The following ZPLD1 variants were observed in gnomAD, a reference collection of about 807,000 sequenced individuals.
The protein encoded by ZPLD1 is zona pellucida-like domain-containing protein 1.
A neutral mutation model predicts 47.2 loss-of-function variants in ZPLD1; 34 were observed. The ratio of observed to expected loss-of-function variants is 0.72; its 90% CI spans 0.55 to 0.96. The LOEUF is 0.96. Among genes scored for constraint, ZPLD1 ranks in the 40% least tolerant of loss-of-function variants. The pLI, the probability that ZPLD1 is intolerant of heterozygous loss-of-function variation, is 0.00. For synonymous variants in ZPLD1, 176 were observed against 186.2 expected (o/e 0.95, Z 0.45); for missense variants, 512 against 505.8 (o/e 1.01, Z -0.12).
At chr3:102,403,817 A>G (rs1266420505) in intron 7 of ZPLD1, among the ~76,000 whole-genome samples, 1 of 151,868 alleles carries the variant, frequency 6.6e-6, no homozygotes, top group African/African-American at 2.4e-5. Flanking sequence ...AGAAGGTTCT[A>G]CTCTACTTAG....
chr3:102,457,784 C>T lies in ZPLD1; in HGVS notation c.513C>T (p.Ser171=), dbSNP rs1373627712. 2 of 1,613,878 alleles carry T rather than the reference C, an allele frequency of 1.2e-6. No homozygotes were observed. The highest frequency in any genetic ancestry group is 1.1e-5 in the South Asian group (1 of 91,072). ...CCTTTTTCTAAATGTGTTTTAGGTC[C>T]TCAGCGGCTATTTCTGTGAGAGAGA... The part of the protein sequence containing the change: ...YLVNNTQLAS[S]SAAISVRENN... Residue 171 remains serine (S), a synonymous_variant, in exon 6 of 12, where the codon TCC becomes TCT. Transcript: ENST00000466937.
At chr3:102,468,549 C>T (rs776640493) in intron 8 of ZPLD1, among the ~76,000 whole-genome samples, 1 of 152,082 alleles carries the variant, frequency 6.6e-6, no homozygotes. Flanking sequence ...AGACAATATG[C>T]TATCATTTGT....
chr3:102,449,043 C>T (rs1162378885), intron 3 of ZPLD1, among the ~76,000 whole-genome samples: 5 of 152,220 alleles, frequency 3.3e-5, no homozygotes, highest in Non-Finnish European at 7.3e-5. Flanking sequence ...GCAATCTCAC[C>T]TGTGCCTAAC....
At chr3:102,474,341 G>A (rs1707726901) in intron 10 of ZPLD1, among the ~76,000 whole-genome samples, 1 of 152,118 alleles carries the variant, frequency 6.6e-6, no homozygotes, top group Non-Finnish European at 1.5e-5. Flanking sequence ...CCGTATTCTT[G>A]TTCGATTAGA....
At chr3:102,414,707 C>T (rs979009193) in intron 7 of ZPLD1, among the ~76,000 whole-genome samples, 14 of 151,602 alleles carry the variant, frequency 9.2e-5, no homozygotes, top group African/African-American at 3.4e-4. Context: ...ATTAATTCTT[C>T]ATTGAAACCA....
intron 4 of ZPLD1, among the ~76,000 whole-genome samples, chr3:102,454,221 G>A (rs192802308): frequency 4.6e-5 from 7 of 152,260 alleles, no homozygotes; most frequent in East Asian, 1.9e-4. Flanking sequence ...TATTGTGCCC[G>A]TGACCATTTC....
intron 7 of ZPLD1, among the ~76,000 whole-genome samples, chr3:102,410,608 C>A (rs1706738500): frequency 6.6e-6 from 1 of 151,686 alleles, no homozygotes; most frequent in African/African-American, 2.4e-5. Context: ...CCTGAAGGCA[C>A]AAATGAGGTA....
chr3:102,435,794 C>T (rs1191167043), intron 1 of ZPLD1, among the ~76,000 whole-genome samples: 1 of 152,142 alleles, frequency 6.6e-6, no homozygotes, highest in African/African-American at 2.4e-5. Flanking sequence ...AGGCTCCCGC[C>T]ACCACGCCCG....
In ZPLD1 at chr3:102,461,416, G is replaced by A. The variant is rs557014941; in HGVS notation, c.583-865G>A. Among the ~76,000 whole-genome samples, 9 of 152,016 alleles carry A rather than the reference G, an allele frequency of 5.9e-5. No individual in the cohort carries two copies. The South Asian group carries it at 1.9e-3, about 32-fold the overall frequency. ...TTCTAATCCGATGCTTTAATCTACT[G>A]TGGATTTGAGAATGATACAAATAAG... On this transcript the variant is annotated intron_variant, in intron 6 of 11. Transcript: ENST00000466937.
At chr3:102,464,073 G>A in intron 7 of ZPLD1, 98 bp from the exon 8 acceptor site, 1 of 877,688 alleles carries the variant, frequency 1.1e-6, no homozygotes, top group Non-Finnish European at 1.8e-6. Flanking sequence ...AAAGAAAGAA[G>A]GAAAAAGAAG....
At chr3:102,403,401 C>T (rs1052862944) in intron 7 of ZPLD1, among the ~76,000 whole-genome samples, 1 of 151,926 alleles carries the variant, frequency 6.6e-6, no homozygotes, top group African/African-American at 2.4e-5. Context: ...GACATATCCT[C>T]TTCTTGTACC....
intron 7 of ZPLD1, among the ~76,000 whole-genome samples, chr3:102,400,701 G>A (rs1706610219): frequency 6.6e-6 from 1 of 151,818 alleles, no homozygotes; most frequent in Non-Finnish European, 1.5e-5. Flanking sequence ...TTCCCTCATT[G>A]GGATAGTGTG....
chr3:102,469,267 C>T, intron 9 of ZPLD1, 132 bp downstream of exon 9: 1 of 977,962 alleles, frequency 1.0e-6, no homozygotes, highest in Non-Finnish European at 1.5e-6. Flanking sequence ...AGGATTTATT[C>T]ATTTGTCTAG....
In ZPLD1 at chr3:102,453,177, C is replaced by A. The variant is rs1178149110; in HGVS notation, c.327+38C>A. Reference sequence around the variant, plus strand: ...TGACATTGTGTGCTAGGTCTGGGGTCATAAATAAAAATCTCCCCATTTCAT... The same window carrying A: ...TGACATTGTGTGCTAGGTCTGGGGTAATAAATAAAAATCTCCCCATTTCAT... On this transcript the variant is annotated intron_variant, in intron 4 of 11. Coordinates refer to ENST00000466937, the MANE Select transcript of ZPLD1 (RefSeq NM_001329788.2). 3.9e-6 allele frequency: 6 copies of A among 1,552,994 alleles called. No individual in the cohort carries two copies. The South Asian group carries it at 7.0e-5, about 18-fold the overall frequency.
At chr3:102,464,302 G>T in intron 8 of ZPLD1, 51 bp downstream of exon 8, 2 of 1,267,580 alleles carry the variant, frequency 1.6e-6, no homozygotes, top group Non-Finnish European at 2.3e-6. Context: ...CCCAGTTGTA[G>T]ATAATTGAAA....
chr3:102,468,576 A>G (rs1234800998), intron 8 of ZPLD1, among the ~76,000 whole-genome samples: 1 of 152,204 alleles, frequency 6.6e-6, no homozygotes, highest in Non-Finnish European at 1.5e-5. Flanking sequence ...AGGGAGGACA[A>G]TAAGAATACA....
chr3:102,392,398 C>T (rs532732430), intron 7 of ZPLD1, among the ~76,000 whole-genome samples: 1 of 152,228 alleles, frequency 6.6e-6, no homozygotes, highest in East Asian at 1.9e-4. Flanking sequence ...GGTCAAGGGA[C>T]CATAAATGAT....
At chr3:102,421,348 C>T (rs993697612) in intron 8 of ZPLD1, among the ~76,000 whole-genome samples, 2 of 151,462 alleles carry the variant, frequency 1.3e-5, no homozygotes, top group African/African-American at 4.8e-5. Context: ...AATTTGTGAC[C>T]AACTTTTCTA....
Position 102,447,368 on chromosome 3 carries a change from C to T in ZPLD1, c.107-5551C>T, listed in dbSNP as rs558040747. 4.6e-5 allele frequency among the ~76,000 whole-genome samples: 7 copies of T among 152,208 alleles called. No individual in the cohort carries two copies. In the East Asian group the frequency reaches 9.7e-4, roughly 21 times the overall value. The stretch of plus-strand genomic sequence containing the variant: ...CGTGAGCCACCACACCTGGCCTCCC[C>T]ATCCTTTTTCTTTTACACTATACAC... On this transcript the variant is annotated intron_variant, in intron 3 of 11. Transcript: ENST00000466937.
Sources: allele counts gnomAD v4.1 joint callset (sites outside exome capture counted in the v4.1 genomes callset), GRCh38; gene constraint gnomAD v4.1.1; transcripts MANE v1.5; gene names NCBI Gene and HGNC (gene_info 2026-07-23, HGNC 2026-07-21).